The following CADM2 variants were observed in gnomAD, a reference collection of about 807,000 sequenced individuals.
CADM2 encodes the protein immunoglobulin superfamily member 4D.
CADM2 carries 12 observed loss-of-function variants against 49.8 expected under a neutral mutation model. The observed-to-expected ratio is 0.24, with a 90% CI of 0.15 to 0.39. The LOEUF is 0.39. Ranked by LOEUF, CADM2 falls within the 10% of genes least tolerant of loss-of-function variation. CADM2 has a pLI of 1.00. For missense variants in CADM2, 378 were observed against 492.3 expected (o/e 0.77, Z 2.20); for synonymous variants, 214 against 175.4 (o/e 1.22, Z -1.74).
At chr3:85,755,907 T>G (rs1015393587) in intron 2 of CADM2, among the ~76,000 whole-genome samples, 1 of 152,106 alleles carries the variant, frequency 6.6e-6, no homozygotes, top group African/African-American at 2.4e-5. Context: ...CATGGCCACT[T>G]GATTAAACTC....
At chr3:85,067,760 T>C (rs1378167595) in intron 1 of CADM2, among the ~76,000 whole-genome samples, 1 of 152,202 alleles carries the variant, frequency 6.6e-6, no homozygotes, top group African/African-American at 2.4e-5. Flanking sequence ...GTGGATAGAA[T>C]TAATCTAAGC....
At chr3:85,841,445 C>T (rs2074634057) in intron 3 of CADM2, among the ~76,000 whole-genome samples, 1 of 151,856 alleles carries the variant, frequency 6.6e-6, no homozygotes, top group Non-Finnish European at 1.5e-5. Flanking sequence ...CTTTCATTTC[C>T]ATATTATTAT....
At position 85,821,370 on chromosome 3, in the gene CADM2, T is replaced by C. The variant is rs962038872; in HGVS notation, c.238+19174T>C. On this transcript the variant is annotated intron_variant, in intron 3 of 9. Coordinates refer to ENST00000383699, the MANE Select transcript of CADM2 (RefSeq NM_001167675.2). ...CAATCCTTCATCTGTCCTGGGTATCTGCAGAAGCCTCTAAGAACACCTGCA... is the reference window on the plus strand; with the variant it reads ...CAATCCTTCATCTGTCCTGGGTATCCGCAGAAGCCTCTAAGAACACCTGCA... Among the ~76,000 whole-genome samples, 5 of 152,304 alleles carry C rather than the reference T, an allele frequency of 3.3e-5. No homozygotes were observed. The East Asian group carries it at 9.7e-4, about 29-fold the overall frequency.
chr3:85,365,704 G>A (rs1022565588), intron 1 of CADM2, among the ~76,000 whole-genome samples: 1 of 152,072 alleles, frequency 6.6e-6, no homozygotes, highest in Non-Finnish European at 1.5e-5. Context: ...TTTTAAAATG[G>A]AGTAATTTTC....
At chr3:85,344,013 A>G (rs1411394427) in intron 1 of CADM2, among the ~76,000 whole-genome samples, 1 of 152,224 alleles carries the variant, frequency 6.6e-6, no homozygotes, top group Non-Finnish European at 1.5e-5. Flanking sequence ...GAGACAAGTC[A>G]TGGTTAGACT....
At chr3:85,898,955 A>ATATATATATAT (rs1475991339) in intron 5 of CADM2, among the ~76,000 whole-genome samples, 2 of 33,908 alleles carry the variant, frequency 5.9e-5, no homozygotes, top group African/African-American at 1.5e-4. Flanking sequence ...ATATATATAT[A>ATATATATATAT]TTTTTTTTTT....
chr3:85,591,268 A>G (rs68001049), intron 1 of CADM2, among the ~76,000 whole-genome samples: 77,945 of 151,798 alleles, frequency 0.51, 23,035 homozygotes, highest in East Asian at 0.85. Context: ...TGAAAATTAA[A>G]AAGAATTGAA....
At chr3:85,342,305 A>C (rs995439900) in intron 1 of CADM2, among the ~76,000 whole-genome samples, 1 of 152,110 alleles carries the variant, frequency 6.6e-6, no homozygotes, top group Non-Finnish European at 1.5e-5. Flanking sequence ...ATTAATTTTT[A>C]AGTAGTAAAA....
chr3:85,629,062 A>G (rs1351479577), intron 1 of CADM2, among the ~76,000 whole-genome samples: 1 of 151,808 alleles, frequency 6.6e-6, no homozygotes, highest in East Asian at 1.9e-4. Context: ...TTGTGCATAC[A>G]ATAGTTAACC....
At chr3:85,157,104 A>T (rs1195786269) in intron 1 of CADM2, among the ~76,000 whole-genome samples, 2 of 152,206 alleles carry the variant, frequency 1.3e-5, no homozygotes, top group Non-Finnish European at 2.9e-5. Flanking sequence ...TTCAAAGAGA[A>T]TAAAATATCT....
chr3:85,091,576 T>A, intron 1 of CADM2, among the ~76,000 whole-genome samples: 1 of 152,138 alleles, frequency 6.6e-6, no homozygotes. Flanking sequence ...AACTCTAAAT[T>A]GCTTTCATAT....
chr3:85,533,895 C>T (rs554512607), intron 1 of CADM2, among the ~76,000 whole-genome samples: 1 of 151,908 alleles, frequency 6.6e-6, no homozygotes, highest in Admixed American at 6.6e-5. Flanking sequence ...AAAGAGCAAG[C>T]CTTTCCACAG....
At chr3:85,657,031 T>A (rs1577029370) in intron 1 of CADM2, among the ~76,000 whole-genome samples, 1 of 152,314 alleles carries the variant, frequency 6.6e-6, no homozygotes, top group Non-Finnish European at 1.5e-5. Context: ...AATCCCATTT[T>A]CCTGAAATAT....
At chr3:86,053,529 G>A (rs1301868655) in intron 8 of CADM2, among the ~76,000 whole-genome samples, 2 of 152,126 alleles carry the variant, frequency 1.3e-5, no homozygotes, top group African/African-American at 4.8e-5. Flanking sequence ...CTCAGGAAAG[G>A]AATCTTCTCT....
chr3:85,093,746 C>T (rs891321775), intron 1 of CADM2, among the ~76,000 whole-genome samples: 2 of 152,126 alleles, frequency 1.3e-5, no homozygotes, highest in African/African-American at 4.8e-5. Flanking sequence ...TTAAGTCCTA[C>T]ATCCACTGTA....
intron 3 of CADM2, among the ~76,000 whole-genome samples, chr3:85,834,842 A>G (rs1378840457): frequency 6.6e-6 from 1 of 151,674 alleles, no homozygotes; most frequent in African/African-American, 2.4e-5. Context: ...CACAGGTGAC[A>G]TCTTTAATTT....
intron 3 of CADM2, among the ~76,000 whole-genome samples, chr3:85,848,409 G>C (rs2074967479): frequency 6.6e-6 from 1 of 151,888 alleles, no homozygotes. Context: ...TCTCTTAGTA[G>C]TATGCAATAT....
intron 8 of CADM2, among the ~76,000 whole-genome samples, chr3:86,028,334 G>T (rs1402952402): frequency 6.6e-6 from 1 of 151,784 alleles, no homozygotes; most frequent in Non-Finnish European, 1.5e-5. Flanking sequence ...TGGGTTTCCA[G>T]TAAATGAAAA....
intron 1 of CADM2, among the ~76,000 whole-genome samples, chr3:85,323,392 C>A (rs2044666280): frequency 6.6e-6 from 1 of 152,118 alleles, no homozygotes; most frequent in African/African-American, 2.4e-5. Flanking sequence ...AGTAACCCTG[C>A]AACCTGTCTG....
Sources: gnomAD v4.1 joint callset for allele counts (sites outside exome capture counted in the v4.1 genomes callset) on GRCh38, gnomAD v4.1.1 for gene constraint, MANE v1.5 for transcripts, NCBI Gene and HGNC (gene_info 2026-07-23, HGNC 2026-07-21) for gene names.